Variants in SH3BP4 observed in about 807,000 individuals in gnomAD.
SH3BP4 encodes the protein SH3 domain-binding protein 4.
SH3BP4 carries 33 observed loss-of-function variants against 65.5 expected under a neutral mutation model. That is an observed-to-expected ratio of 0.50 (90% CI 0.38 to 0.67). The LOEUF is 0.67. Ranked by LOEUF, SH3BP4 falls within the 30% of genes least tolerant of loss-of-function variation. SH3BP4 has a pLI of 0.00. For missense variants in SH3BP4, 1,134 were observed against 1,261.4 expected (o/e 0.90, Z 1.53); for synonymous variants, 552 against 545.5 (o/e 1.01, Z -0.17).
At chr2:234,973,642 G>A (rs1693065271) in intron 1 of SH3BP4, among the ~76,000 whole-genome samples, 2 of 144,582 alleles carry the variant, frequency 1.4e-5, no homozygotes, top group South Asian at 4.5e-4. Context: ...GCCCTTCTGT[G>A]TAAAGCCTGG....
intron 1 of SH3BP4, among the ~76,000 whole-genome samples, chr2:234,960,367 C>A (rs1692678749): frequency 6.6e-6 from 1 of 152,218 alleles, no homozygotes; most frequent in African/African-American, 2.4e-5. Flanking sequence ...AAGAGGAATG[C>A]TCTGTTCCGG....
rs1004071753 is a variant in SH3BP4 at position 234,952,246 on chromosome 2, G to A, written c.-207+76G>A. ...GGCGGGGGCGCGGGGTCGTGCTCGG[G>A]GGCTTTGCACTCCCTTGCGGGCGCA... On this transcript the variant is annotated intron_variant, in intron 1 of 5. Transcript: ENST00000392011. The surrounding 1 kb of genome is among the most constrained non-coding windows in gnomAD (Gnocchi z 6.5). 6.6e-6 allele frequency: 1 copy of A among 150,462 alleles called. No homozygotes were observed. Among genetic ancestry groups the A allele is most frequent in the Non-Finnish European group, 1.5e-5 (1 of 67,190 alleles). 9.3% of individuals were successfully genotyped at this position (150,462 alleles called of 1,614,324 possible).
rs549629244 is a variant in SH3BP4, at chr2:234,978,439, C to T, written c.-206-16864C>T. On this transcript the variant is annotated intron_variant, in intron 1 of 5. Transcript: ENST00000392011. The surrounding 1 kb of genome is among the most constrained non-coding windows in gnomAD (Gnocchi z 4.1). ...TCACTGCGGGACCAGGTACTCTTTTCCTGCGCCCCACACTGCCCCAAGGCC... is the reference window on the plus strand; with the variant it reads ...TCACTGCGGGACCAGGTACTCTTTTTCTGCGCCCCACACTGCCCCAAGGCC... 5.7e-4 allele frequency among the ~76,000 whole-genome samples: 87 copies of T among 152,340 alleles called. No individual in the cohort carries two copies. Among genetic ancestry groups the T allele is most frequent in the Non-Finnish European group, 3.4e-4 (23 of 68,044 alleles).
intron 1 of SH3BP4, among the ~76,000 whole-genome samples, chr2:234,981,941 G>A (rs950435295): frequency 3.9e-5 from 6 of 152,248 alleles, no homozygotes; most frequent in South Asian, 2.1e-4. Context: ...CCATTTTCCC[G>A]TCCCCGCCTC....
At chr2:235,037,533 C>T (rs913756201) in intron 3 of SH3BP4, among the ~76,000 whole-genome samples, 3 of 152,172 alleles carry the variant, frequency 2.0e-5, no homozygotes, top group African/African-American at 7.2e-5. Context: ...CTAGGCTATG[C>T]ACAAAGCATT....
At chr2:235,016,013 A>G (rs965689497) in intron 2 of SH3BP4, among the ~76,000 whole-genome samples, 1 of 151,426 alleles carries the variant, frequency 6.6e-6, no homozygotes, top group African/African-American at 2.4e-5. Flanking sequence ...GATTTGGGGG[A>G]CACACATTTG....
At chr2:234,984,542 A>C (rs77946996) in intron 1 of SH3BP4, among the ~76,000 whole-genome samples, 1,757 of 152,252 alleles carry the variant, frequency 0.012, 40 homozygotes, top group African/African-American at 0.037. Flanking sequence ...TGAGGAATCA[A>C]TCCCCTTTGC....
intron 1 of SH3BP4, among the ~76,000 whole-genome samples, chr2:234,968,853 G>A (rs1038666469): frequency 1.3e-5 from 2 of 152,076 alleles, no homozygotes; most frequent in Non-Finnish European, 2.9e-5. Context: ...CCCTTTTATT[G>A]CCTCCCTTTC....
chr2:234,953,859 GAGTGGGA>G (rs1409024472), intron 1 of SH3BP4, among the ~76,000 whole-genome samples: 2 of 151,900 alleles, frequency 1.3e-5, no homozygotes, highest in African/African-American at 4.8e-5. Context: ...AAATCCCTCA[GAGTGGGA>G]AGCTTGGGAA....
At chr2:234,993,270 C>T (rs1228672584) in intron 1 of SH3BP4, among the ~76,000 whole-genome samples, 4 of 152,338 alleles carry the variant, frequency 2.6e-5, no homozygotes, top group Non-Finnish European at 5.9e-5. Context: ...ACTCGCCCCC[C>T]GCCTCATTTC....
intron 1 of SH3BP4, among the ~76,000 whole-genome samples, chr2:234,985,523 A>C (rs778000660): frequency 2.0e-5 from 3 of 152,126 alleles, no homozygotes; most frequent in Non-Finnish European, 4.4e-5. Context: ...CCCAATGCAC[A>C]CAGTCGTTTT....
rs1028038047 is a variant in SH3BP4 at position 234,976,502 on chromosome 2, G to A, written c.-206-18801G>A. ...CTGCCTGCAGTTAAGCAGGGCTACC[G>A]TCTCTCGGCCCGGGGCTTCTTGTTT... On this transcript the variant is annotated intron_variant, in intron 1 of 5. Transcript: ENST00000392011. The surrounding 1 kb of genome is among the most constrained non-coding windows in gnomAD (Gnocchi z 4.7). Among the ~76,000 whole-genome samples the A allele has an allele frequency of 4.6e-5, 7 of 152,116 alleles. No homozygotes were observed. Among genetic ancestry groups the A allele is most frequent in the African/African-American group, 7.2e-5 (3 of 41,410 alleles).
chr2:235,051,020 A>G (rs549092519), intron 4 of SH3BP4, among the ~76,000 whole-genome samples: 139 of 152,290 alleles, frequency 9.1e-4, no homozygotes, highest in African/African-American at 3.1e-3. Flanking sequence ...GCCTCAGGCC[A>G]CTGTGCCCTG....
chr2:234,973,430 G>A (rs1021545000), intron 1 of SH3BP4, among the ~76,000 whole-genome samples: 19 of 152,312 alleles, frequency 1.2e-4, no homozygotes, highest in Admixed American at 6.5e-4. Context: ...TTTCTAAGCA[G>A]TATGTACAGC....
intron 1 of SH3BP4, among the ~76,000 whole-genome samples, chr2:234,982,147 C>A (rs1000866094): frequency 6.6e-6 from 1 of 152,190 alleles, no homozygotes; most frequent in Non-Finnish European, 1.5e-5. Context: ...ACCGGCTGTT[C>A]TGGGTTTTGT....
At chr2:234,955,197 TA>T (rs926184488) in intron 1 of SH3BP4, among the ~76,000 whole-genome samples, 12 of 152,206 alleles carry the variant, frequency 7.9e-5, no homozygotes, top group Admixed American at 4.6e-4. Flanking sequence ...GATCACTAAA[TA>T]GAGTTCTCAG....
rs1476515487 is a variant in SH3BP4 at position 235,033,118 on chromosome 2, A to G, written c.-132-1753A>G. ...CAGCAGGGCAGCTCTGCCGCTCCCC[A>G]GAGAGGTGGCCACCATGCCCTCCTC... On this transcript the variant is annotated intron_variant, in intron 2 of 5. Coordinates refer to ENST00000392011, the MANE Select transcript of SH3BP4 (RefSeq NM_014521.3). The surrounding 1 kb of genome is among the most constrained non-coding windows in gnomAD (Gnocchi z 5.7). 6.6e-6 allele frequency among the ~76,000 whole-genome samples: 1 copy of G among 152,108 alleles called. No homozygotes were observed. Among genetic ancestry groups the G allele is most frequent in the Admixed American group, 6.5e-5 (1 of 15,284 alleles).
At chr2:235,017,615 A>G (rs753007736) in intron 2 of SH3BP4, among the ~76,000 whole-genome samples, 1 of 152,088 alleles carries the variant, frequency 6.6e-6, no homozygotes, top group African/African-American at 2.4e-5. Context: ...GTGACTGGGC[A>G]TAAGTTGCTT....
At chr2:235,038,372 TATACATATATA>T (rs1695505896) in intron 3 of SH3BP4, among the ~76,000 whole-genome samples, 3 of 46,632 alleles carry the variant, frequency 6.4e-5, no homozygotes, top group African/African-American at 4.3e-4. Context: ...ATATAATATA[TATACATATATA>T]TATATATATA....
Sources: allele counts gnomAD v4.1 joint callset (sites outside exome capture counted in the v4.1 genomes callset), GRCh38; gene constraint gnomAD v4.1.1; non-coding constraint Gnocchi (gnomAD v3.1); transcripts MANE v1.5; gene names NCBI Gene and HGNC (gene_info 2026-07-23, HGNC 2026-07-21).